The following INSL6 variants were observed in gnomAD, a reference collection of about 807,000 sequenced individuals.
INSL6 encodes the protein insulin-like peptide INSL6.
INSL6 carries 16 observed loss-of-function variants against 9.4 expected under a neutral mutation model. That is an observed-to-expected ratio of 1.70 (90% confidence interval 1.15 to 2.59). The LOEUF is 2.59. Among genes scored for constraint, INSL6 ranks in the 30% most tolerant of loss-of-function variants. The pLI, the probability that INSL6 is intolerant of heterozygous loss-of-function variation, is 0.00. For missense variants in INSL6, 391 were observed against 257.3 expected, an observed-to-expected ratio of 1.52 and a Z score of -3.56; for synonymous variants, 154 against 96.9, an observed-to-expected ratio of 1.59 and a Z score of -3.46.
chr9:5,075,656 C>G, the INSL6 span, among the ~76,000 whole-genome samples: 1 of 152,326 alleles, frequency 6.6e-6, no homozygotes, highest in East Asian at 1.9e-4. Context: ...TGACAATGCA[C>G]CTGGTCACCC....
chr9:5,132,191 T>A (rs1485632208), intron 3 of INSL6: 1 of 152,230 alleles, frequency 6.6e-6, no homozygotes. Flanking sequence ...CATTCATTTT[T>A]AAAATTATTT....
chr9:5,036,971 A>C, the INSL6 span, among the ~76,000 whole-genome samples: 13 of 152,372 alleles, frequency 8.5e-5, no homozygotes, highest in African/African-American at 3.1e-4. Flanking sequence ...CATCTGATAA[A>C]GGGCTAATAT....
the INSL6 span, among the ~76,000 whole-genome samples, chr9:5,086,718 T>G: frequency 4.6e-5 from 7 of 152,242 alleles, no homozygotes; most frequent in Non-Finnish European, 8.8e-5. Context: ...TCTCCCTGTC[T>G]GACTATAACT....
At chr9:5,044,249 T>C in the INSL6 span, among the ~76,000 whole-genome samples, 116 of 152,384 alleles carry the variant, frequency 7.6e-4, 1 homozygote, top group East Asian at 0.015. Context: ...GTTATCCACA[T>C]ATCCTTTTGT....
At chr9:5,026,767 G>T in the INSL6 span, among the ~76,000 whole-genome samples, 1 of 152,084 alleles carries the variant, frequency 6.6e-6, no homozygotes, top group Non-Finnish European at 1.5e-5. Flanking sequence ...AAAATAGCTT[G>T]TATTATTTAC....
intron 2 of INSL6, among the ~76,000 whole-genome samples, chr9:5,147,364 G>C (rs1824620476): frequency 6.6e-6 from 1 of 152,170 alleles, no homozygotes; most frequent in Non-Finnish European, 1.5e-5. Flanking sequence ...AAGGTGCTTA[G>C]GGTTTTTGCT....
chr9:5,123,192 A>G, downstream of INSL6: 1 of 1,066,314 alleles, frequency 9.4e-7, no homozygotes, highest in South Asian at 1.5e-5. Flanking sequence ...ATGGGGTACA[A>G]GTACAATTTT....
At chr9:5,096,871 T>C in the INSL6 span, 2 of 152,158 alleles carry the variant, frequency 1.3e-5, no homozygotes, top group African/African-American at 2.4e-5. Context: ...ATCTTCTTTA[T>C]GGTCATATCA....
the INSL6 span, among the ~76,000 whole-genome samples, chr9:5,016,511 A>T: frequency 6.6e-6 from 1 of 152,226 alleles, no homozygotes. Flanking sequence ...CAAAATTAAA[A>T]ATTGAAAAAT....
the INSL6 span, among the ~76,000 whole-genome samples, chr9:5,088,556 T>C: frequency 6.6e-6 from 1 of 151,940 alleles, no homozygotes; most frequent in South Asian, 2.1e-4. Context: ...AAAAAAAATG[T>C]AGAGTCATCC....
the INSL6 span, chr9:5,041,220 G>C: frequency 6.8e-7 from 1 of 1,468,048 alleles, no homozygotes; most frequent in East Asian, 2.3e-5. Context: ...TTCCTGGTGG[G>C]GCGCCCGGGG....
intron 2 of INSL6, among the ~76,000 whole-genome samples, chr9:5,146,354 A>T (rs1197621484): frequency 6.6e-6 from 1 of 152,128 alleles, no homozygotes; most frequent in South Asian, 2.1e-4. Flanking sequence ...TCGGAGTGCT[A>T]GTGGATTCAG....
chr9:5,058,135 A>T, the INSL6 span, among the ~76,000 whole-genome samples: 7 of 152,174 alleles, frequency 4.6e-5, no homozygotes, highest in Admixed American at 4.6e-4. Context: ...ATTGTGAGTA[A>T]TGCTGCTGTG....
chr9:5,026,260 T>G, the INSL6 span, among the ~76,000 whole-genome samples: 1 of 152,212 alleles, frequency 6.6e-6, no homozygotes, highest in Non-Finnish European at 1.5e-5. Context: ...GTACATGATA[T>G]TGGTAATCAT....
intron 3 of INSL6, among the ~76,000 whole-genome samples, chr9:5,129,690 T>A (rs1478775546): frequency 1.3e-5 from 2 of 152,072 alleles, no homozygotes; most frequent in Non-Finnish European, 2.9e-5. Context: ...CAGATTTTAG[T>A]TGGTTGGATT....
At chr9:5,040,811 T>C in the INSL6 span, 1 of 208,072 alleles carries the variant, frequency 4.8e-6, no homozygotes, top group Non-Finnish European at 9.8e-6. Flanking sequence ...GTGCAGGAGC[T>C]GGAGCGGGGC....
At chr9:5,045,142 G>C in the INSL6 span, among the ~76,000 whole-genome samples, 1 of 152,130 alleles carries the variant, frequency 6.6e-6, no homozygotes, top group Non-Finnish European at 1.5e-5. Flanking sequence ...TAAATAACTT[G>C]TTTTTATGTG....
intron 2 of INSL6, among the ~76,000 whole-genome samples, chr9:5,146,890 G>A (rs1171922547): frequency 1.3e-5 from 2 of 152,112 alleles, no homozygotes; most frequent in African/African-American, 4.8e-5. Flanking sequence ...GCTATGGTGT[G>A]GGCCTCAGGG....
intron 2 of INSL6, among the ~76,000 whole-genome samples, chr9:5,154,698 T>C (rs1226653482): frequency 6.6e-6 from 1 of 152,196 alleles, no homozygotes; most frequent in Non-Finnish European, 1.5e-5. Context: ...AGAAGACATT[T>C]ATGCAGCCAA....
Sources: gnomAD v4.1 joint callset for allele counts (sites outside exome capture counted in the v4.1 genomes callset) on GRCh38, gnomAD v4.1.1 for gene constraint, MANE v1.5 for transcripts, NCBI Gene and HGNC (gene_info 2026-07-23, HGNC 2026-07-21) for gene names.